RPRD2: variants seen among roughly 807,000 people sequenced by gnomAD.
RPRD2 encodes the protein regulation of nuclear pre-mRNA domain containing 2, also known as regulation of nuclear pre-mRNA domain-containing protein 2.
RPRD2 carries 12 observed loss-of-function variants against 104.4 expected under a neutral mutation model. The observed-to-expected ratio is 0.11, with a 90% CI of 0.07 to 0.19. RPRD2 has a LOEUF of 0.19. RPRD2 is among the 10% of genes least tolerant of loss of function. The pLI is 1.00. For missense variants in RPRD2, 1,543 were observed against 1,790.1 expected (o/e 0.86, Z 2.49); for synonymous variants, 714 against 684.9 (o/e 1.04, Z -0.66).
At chr1:150,432,493 G>A (rs1457448340) in intron 2 of RPRD2, among the ~76,000 whole-genome samples, 1 of 151,968 alleles carries the variant, frequency 6.6e-6, no homozygotes, top group Non-Finnish European at 1.5e-5. Context: ...GTCTAAGGGA[G>A]GTAGTGAAAA....
rs1188185188 is a variant in RPRD2, at chr1:150,476,260, A to G, written c.*2926A>G. 1 of 152,190 alleles carries G rather than the reference A, an allele frequency of 6.6e-6. No individual in the cohort carries two copies. The highest frequency in any genetic ancestry group is 2.4e-5 in the African/African-American group (1 of 41,450). 9.4% of individuals were successfully genotyped at this position (152,190 alleles called of 1,614,324 possible). On this transcript the variant is annotated 3_prime_UTR_variant, in exon 11 of 11. Transcript: ENST00000369068. Reference sequence around the variant, plus strand: ...TGGGTCCAGCAAACCTATCGAGATAATGTGAATACGATAAACTTCCTAATG... The same window carrying G: ...TGGGTCCAGCAAACCTATCGAGATAGTGTGAATACGATAAACTTCCTAATG...
intron 7 of RPRD2, among the ~76,000 whole-genome samples, chr1:150,451,050 C>A (rs984518209): frequency 2.0e-5 from 3 of 152,178 alleles, no homozygotes; most frequent in Non-Finnish European, 4.4e-5. Context: ...TGTCATCTCT[C>A]TTTATTCTCC....
At chr1:150,389,876 C>T (rs1163797769) in intron 1 of RPRD2, among the ~76,000 whole-genome samples, 2 of 152,096 alleles carry the variant, frequency 1.3e-5, no homozygotes, top group East Asian at 1.9e-4. Context: ...AGACTGGCAA[C>T]GTTTTCCTGA....
rs1553876924 is a variant in RPRD2, at chr1:150,364,880, A to G, written c.166A>G (p.Ser56Gly). 19 of 1,613,894 alleles carry G rather than the reference A, an allele frequency of 1.2e-5. No individual in the cohort carries two copies. The highest frequency in any genetic ancestry group is 1.7e-5 in the Admixed American group (1 of 60,006). Residue 56 changes from serine (S) to glycine (G), a missense_variant, in exon 1 of 11, where the codon AGT (serine) becomes GGT (glycine). Ser to Gly is a moderately conservative substitution (Grantham distance 56). Coordinates refer to ENST00000369068, the MANE Select transcript of RPRD2 (RefSeq NM_015203.5). ...SWCIENKKHH[S>G]TIVYHWMKWL... ...GTGTATAGAGAACAAAAAACACCAC[A>G]GTACTATCGTCTATCATTGGATGAA...
At chr1:150,407,060 A>G (rs190379001) in intron 1 of RPRD2, among the ~76,000 whole-genome samples, 128 of 152,308 alleles carry the variant, frequency 8.4e-4, no homozygotes, top group Non-Finnish European at 3.5e-4. Flanking sequence ...CTAGTAATGT[A>G]CATCTCTTGA....
intron 10 of RPRD2, among the ~76,000 whole-genome samples, chr1:150,470,091 T>C (rs1668501454): frequency 1.3e-5 from 2 of 152,014 alleles, no homozygotes; most frequent in Non-Finnish European, 2.9e-5. Context: ...TTATTAGAGA[T>C]AATAAGTTTG....
chr1:150,418,451 T>C lies in RPRD2; in HGVS notation c.335+726T>C, dbSNP rs587625591. Reference sequence around the variant, plus strand: ...TTTCTGAGTCTTACTGAAATTTTTTTCCCTCCATGAAATCTGTAAAGAGAA... The same window carrying C: ...TTTCTGAGTCTTACTGAAATTTTTTCCCCTCCATGAAATCTGTAAAGAGAA... On this transcript the variant is annotated intron_variant, in intron 2 of 10. Transcript: ENST00000369068. Among the ~76,000 whole-genome samples, 91 of 152,312 alleles carry C rather than the reference T, an allele frequency of 6.0e-4. 2 individuals carry two copies. The South Asian group carries it at 0.018, about 31-fold the overall frequency.
At chr1:150,467,166 T>C (rs1668334854) in intron 10 of RPRD2, among the ~76,000 whole-genome samples, 1 of 152,164 alleles carries the variant, frequency 6.6e-6, no homozygotes, top group Admixed American at 6.5e-5. Flanking sequence ...TGTAAGTGGA[T>C]CATTCAAGCA....
At chr1:150,437,855 C>T (rs587616601) in intron 2 of RPRD2, among the ~76,000 whole-genome samples, 43 of 151,938 alleles carry the variant, frequency 2.8e-4, no homozygotes, top group African/African-American at 1.0e-3. Flanking sequence ...GCTAGAACTG[C>T]AGGCGTGAGC....
At chr1:150,424,325 C>A (rs1404618733) in intron 2 of RPRD2, among the ~76,000 whole-genome samples, 1 of 150,878 alleles carries the variant, frequency 6.6e-6, no homozygotes, top group Non-Finnish European at 1.5e-5. Flanking sequence ...AGTCTCACTC[C>A]GTCGCCCAGG....
intron 1 of RPRD2, among the ~76,000 whole-genome samples, chr1:150,401,230 G>A (rs1053724819): frequency 6.6e-6 from 1 of 151,542 alleles, no homozygotes; most frequent in African/African-American, 2.4e-5. Context: ...ACTCATGCCT[G>A]TAATCCCAGC....
chr1:150,435,619 C>T (rs1238467624), intron 2 of RPRD2, among the ~76,000 whole-genome samples: 1 of 152,214 alleles, frequency 6.6e-6, no homozygotes, highest in Non-Finnish European at 1.5e-5. Context: ...GAGCAAGGCC[C>T]TAACTCTCCT....
chr1:150,369,526 G>A (rs1660122496), intron 1 of RPRD2, among the ~76,000 whole-genome samples: 1 of 131,490 alleles, frequency 7.6e-6, no homozygotes, highest in South Asian at 2.4e-4. Flanking sequence ...GCGCGATCTC[G>A]GCTCACTGCA....
intron 1 of RPRD2, among the ~76,000 whole-genome samples, chr1:150,386,245 A>T (rs1661559050): frequency 6.6e-6 from 1 of 151,972 alleles, no homozygotes; most frequent in African/African-American, 2.4e-5. Flanking sequence ...TCGTGTTGGG[A>T]TTACAGGCAT....
rs61016870 is a variant in RPRD2, at chr1:150,369,623, A to ATTTTTTTTTTTTTTTTTTTTTTT, written c.205+4723_205+4724insTTTTTTTTTTTTTTTTTTTTTTT. ...AGGCGCCCGTCACCGCGCCCAGCTAATTTTTTTTTTTTTTTTTTTGTATTT... is the reference window on the plus strand; with the variant it reads ...AGGCGCCCGTCACCGCGCCCAGCTAATTTTTTTTTTTTTTTTTTTTTTTTTTTTTTTTTTTTTTTTTTGTATTT... On this transcript the variant is annotated intron_variant, in intron 1 of 10. Transcript: ENST00000369068. 5.4e-4 allele frequency among the ~76,000 whole-genome samples: 37 copies of ATTTTTTTTTTTTTTTTTTTTTTT among 68,858 alleles called. 2 individuals carry two copies. The highest frequency in any genetic ancestry group is 9.0e-4 in the Non-Finnish European group (30 of 33,510). The allele number at this position is 68,858 out of a possible 152,430, so 45.2% of individuals were successfully genotyped here.
chr1:150,463,018 A>G (rs1668039444), intron 9 of RPRD2, among the ~76,000 whole-genome samples: 1 of 152,008 alleles, frequency 6.6e-6, no homozygotes, highest in Non-Finnish European at 1.5e-5. Context: ...ACATCTGGCT[A>G]AGTTTTGTGG....
At chr1:150,452,587 T>C (rs1667257962) in intron 7 of RPRD2, among the ~76,000 whole-genome samples, 1 of 152,034 alleles carries the variant, frequency 6.6e-6, no homozygotes, top group South Asian at 2.1e-4. Flanking sequence ...TTACTACTAA[T>C]ATTTACTTTG....
At chr1:150,402,599 C>G (rs868992724) in intron 1 of RPRD2, among the ~76,000 whole-genome samples, 1 of 152,042 alleles carries the variant, frequency 6.6e-6, no homozygotes, top group African/African-American at 2.4e-5. Flanking sequence ...TCACTTAAGC[C>G]CAAGAGGTTG....
chr1:150,450,388 C>T (rs1268810559), intron 7 of RPRD2, among the ~76,000 whole-genome samples: 2 of 151,584 alleles, frequency 1.3e-5, no homozygotes, highest in Non-Finnish European at 2.9e-5. Context: ...GGGTGGATCA[C>T]GAGGTCAGGA....
Sources: gnomAD v4.1 joint callset for allele counts (sites outside exome capture counted in the v4.1 genomes callset) on GRCh38, gnomAD v4.1.1 for gene constraint, MANE v1.5 for transcripts, NCBI Gene and HGNC (gene_info 2026-07-23, HGNC 2026-07-21) for gene names.